SIL1: variants seen among roughly 807,000 people sequenced by gnomAD.
SIL1 encodes the protein SIL1 nucleotide exchange factor.
In SIL1, 40 loss-of-function variants were observed where a neutral mutation model predicts 49.1. That is an observed-to-expected ratio of 0.81 (90% CI 0.63 to 1.06). The LOEUF is 1.06. SIL1 is among the 50% of genes least tolerant of loss of function. SIL1 has a pLI of 0.00. For synonymous variants in SIL1, 253 were observed against 250.8 expected (o/e 1.01, Z -0.08); for missense variants, 500 against 572.6 (o/e 0.87, Z 1.29).
intron 3 of SIL1, among the ~76,000 whole-genome samples, chr5:139,069,013 C>G (rs1220671688): frequency 1.3e-5 from 2 of 152,034 alleles, no homozygotes; most frequent in Non-Finnish European, 2.9e-5. Context: ...GTAATCCCAG[C>G]ACTTTGAGAA....
intron 7 of SIL1, among the ~76,000 whole-genome samples, chr5:138,954,790 C>G (rs10044672): frequency 0.43 from 65,487 of 152,176 alleles, 15,505 homozygotes; most frequent in African/African-American, 0.65. Context: ...CCAGGGCCTG[C>G]AGGACCCTTG....
At chr5:138,997,974 GT>G (rs1767906873) in intron 7 of SIL1, among the ~76,000 whole-genome samples, 1 of 152,090 alleles carries the variant, frequency 6.6e-6, no homozygotes, top group Non-Finnish European at 1.5e-5. Flanking sequence ...TTTTAGAATC[GT>G]CTCTTTTATT....
intron 7 of SIL1, among the ~76,000 whole-genome samples, chr5:138,971,937 C>A: frequency 6.6e-6 from 1 of 152,224 alleles, no homozygotes; most frequent in East Asian, 1.9e-4. Context: ...GCTCAGTCAT[C>A]TCTCTGGCTA....
At chr5:138,982,511 G>A (rs1275831380) in intron 7 of SIL1, among the ~76,000 whole-genome samples, 1 of 152,186 alleles carries the variant, frequency 6.6e-6, no homozygotes, top group Non-Finnish European at 1.5e-5. Context: ...AACTGGCAGT[G>A]ATACAACATT....
intron 1 of SIL1, among the ~76,000 whole-genome samples, chr5:139,132,991 T>C (rs528225524): frequency 7.2e-5 from 11 of 152,068 alleles, no homozygotes; most frequent in African/African-American, 2.7e-4. Flanking sequence ...GGCCTGATGA[T>C]AGTGCCATTC....
At chr5:139,170,440 G>A (rs1424752908) in intron 1 of SIL1, among the ~76,000 whole-genome samples, 2 of 150,914 alleles carry the variant, frequency 1.3e-5, no homozygotes, top group Non-Finnish European at 3.0e-5. Flanking sequence ...CTTCCCAGCC[G>A]CCATCCCATC....
intron 1 of SIL1, among the ~76,000 whole-genome samples, chr5:139,173,729 G>A (rs573900428): frequency 1.3e-5 from 2 of 148,898 alleles, no homozygotes; most frequent in East Asian, 2.0e-4. Context: ...GGCAGATCAC[G>A]AGGTCAGGAG....
chr5:139,094,976 T>C (rs1581095497), intron 3 of SIL1, among the ~76,000 whole-genome samples: 1 of 152,328 alleles, frequency 6.6e-6, no homozygotes, highest in East Asian at 1.9e-4. Flanking sequence ...CTCATTAGAC[T>C]GGGGTCGTTG....
At chr5:138,983,198 CAAAAAAAAAAAA>C (rs33926268) in intron 7 of SIL1, among the ~76,000 whole-genome samples, 1 of 28,118 alleles carries the variant, frequency 3.6e-5, no homozygotes, top group Admixed American at 6.8e-4. Flanking sequence ...GACACTGTCT[CAAAAAAAAAAAA>C]AAAAAAAAAA....
chr5:139,094,273 G>A (rs190637883), intron 3 of SIL1, among the ~76,000 whole-genome samples: 2 of 152,260 alleles, frequency 1.3e-5, no homozygotes, highest in African/African-American at 4.8e-5. Flanking sequence ...GAATAAACAG[G>A]TGATACAACA....
chr5:139,143,151 T>A (rs1751113573), intron 1 of SIL1, among the ~76,000 whole-genome samples: 1 of 151,484 alleles, frequency 6.6e-6, no homozygotes, highest in South Asian at 2.1e-4. Flanking sequence ...AAGGCATCCA[T>A]ATTGGAAAGG....
At chr5:139,043,212 G>C (rs1265636256) in intron 4 of SIL1, among the ~76,000 whole-genome samples, 1 of 152,210 alleles carries the variant, frequency 6.6e-6, no homozygotes, top group Non-Finnish European at 1.5e-5. Context: ...GGAAGCAATG[G>C]CATGGGGCAG....
intron 1 of SIL1, among the ~76,000 whole-genome samples, chr5:139,186,975 T>C (rs541304233): frequency 1.6e-4 from 24 of 152,362 alleles, no homozygotes; most frequent in African/African-American, 5.8e-4. Flanking sequence ...TTCAACAGGA[T>C]TGTTATCATT....
At chr5:139,142,005 C>T (rs1365215674) in intron 1 of SIL1, among the ~76,000 whole-genome samples, 1 of 152,194 alleles carries the variant, frequency 6.6e-6, no homozygotes, top group East Asian at 1.9e-4. Context: ...GAAAAAGCCG[C>T]AGTCTTAAAG....
chr5:139,076,976 T>C, intron 3 of SIL1, among the ~76,000 whole-genome samples: 1 of 152,070 alleles, frequency 6.6e-6, no homozygotes, highest in African/African-American at 2.4e-5. Flanking sequence ...CTACTAAAAA[T>C]ACAAAAAATT....
intron 1 of SIL1, among the ~76,000 whole-genome samples, chr5:139,184,878 C>A (rs562877324): frequency 6.6e-6 from 1 of 152,086 alleles, no homozygotes; most frequent in Non-Finnish European, 1.5e-5. Context: ...GCGACTGGGT[C>A]CAGTTGTTTA....
intron 3 of SIL1, among the ~76,000 whole-genome samples, chr5:139,066,703 ACTTTT>A (rs1480536703): frequency 1.3e-5 from 2 of 151,864 alleles, no homozygotes; most frequent in African/African-American, 2.4e-5. Context: ...TTTTTACTTT[ACTTTT>A]ATTTATTATT....
At chr5:139,090,484 T>C (rs11242447) in intron 3 of SIL1, among the ~76,000 whole-genome samples, 39,675 of 152,004 alleles carry the variant, frequency 0.26, 6,111 homozygotes, top group Middle Eastern at 0.4. Context: ...ACCTCTACAA[T>C]TAAAATGGTT....
intron 1 of SIL1, among the ~76,000 whole-genome samples, chr5:139,169,889 T>TCTCCACGGTCTCCCTCTCC (rs1561888583): frequency 2.0e-5 from 3 of 150,872 alleles, no homozygotes; most frequent in African/African-American, 7.4e-5. Flanking sequence ...CCTCTCCCTC[T>TCTCCACGGTCTCCCTCTCC]CTCTCCACAG....
Sources: gnomAD v4.1 joint callset for allele counts (sites outside exome capture counted in the v4.1 genomes callset) on GRCh38, gnomAD v4.1.1 for gene constraint, MANE v1.5 for transcripts, NCBI Gene and HGNC (gene_info 2026-07-23, HGNC 2026-07-21) for gene names.